The following GAD2 variants were observed in gnomAD, a reference collection of about 807,000 sequenced individuals.
GAD2 encodes glutamate decarboxylase 2, also known as 65 kDa glutamic acid decarboxylase.
In GAD2, 22 loss-of-function variants were observed where a neutral mutation model predicts 80.1. That is an observed-to-expected ratio of 0.27 (90% CI 0.20 to 0.39). GAD2 has a LOEUF of 0.39. Ranked by LOEUF, GAD2 falls within the 10% of genes least tolerant of loss-of-function variation. The probability of loss-of-function intolerance (pLI) is 1.00; values close to 1 mark genes in which losing one functional copy is unlikely to be tolerated. For missense variants in GAD2, 624 were observed against 738.4 expected, an observed-to-expected ratio of 0.85 and a Z score of 1.80; for synonymous variants, 274 against 256.9, an observed-to-expected ratio of 1.07 and a Z score of -0.64.
chr10:26,286,219 A>G lies in GAD2; in HGVS notation c.1237-126A>G, dbSNP rs1845329719. The G allele has an allele frequency of 8.2e-6, 7 of 858,004 alleles. No homozygotes were observed. In the South Asian group the frequency reaches 8.8e-5, roughly 11 times the overall value. 53.1% of individuals were successfully genotyped at this position (858,004 alleles called of 1,614,324 possible). Reference sequence around the variant, plus strand: ...GCCCCCATTCTTTTTTTTAAAATTGATTCTTACTGTTTTCTTTCTCTAAGA... The same window carrying G: ...GCCCCCATTCTTTTTTTTAAAATTGGTTCTTACTGTTTTCTTTCTCTAAGA... On this transcript the variant is annotated intron_variant, in intron 12 of 15. Transcript: ENST00000376261.
intron 15 of GAD2, among the ~76,000 whole-genome samples, chr10:26,298,992 G>A (rs137978656): frequency 1.5e-3 from 224 of 152,314 alleles, no homozygotes; most frequent in African/African-American, 4.1e-3. Context: ...AGAAGGATCA[G>A]GCCAAGAGAA....
Position 26,301,045 on chromosome 10 carries a change from C to A in GAD2, c.*84C>A. On this transcript the variant is annotated 3_prime_UTR_variant, in exon 16 of 16. Coordinates refer to ENST00000376261, the MANE Select transcript of GAD2 (RefSeq NM_001134366.2). ...TGTGTGAATGTATTTGTAGTTTGTTCCAAAGTAAATCTATTTCTATATTGT... is the reference window on the plus strand; with the variant it reads ...TGTGTGAATGTATTTGTAGTTTGTTACAAAGTAAATCTATTTCTATATTGT... 9 of 1,181,954 alleles carry A rather than the reference C, an allele frequency of 7.6e-6. No individual in the cohort carries two copies. The highest frequency in any genetic ancestry group is 5.4e-5 in the South Asian group (4 of 74,656). The allele number at this position is 1,181,954 out of a possible 1,614,324, so 73.2% of individuals were successfully genotyped here.
At chr10:26,297,069 C>T (rs1309372235) in intron 15 of GAD2, among the ~76,000 whole-genome samples, 1 of 152,046 alleles carries the variant, frequency 6.6e-6, no homozygotes, top group Non-Finnish European at 1.5e-5. Context: ...CACACACCAC[C>T]ACACCCAGCT....
rs1284143482 is a variant in GAD2, at chr10:26,217,591, T to C, written c.77-19T>C. 1 of 1,608,992 alleles carries C rather than the reference T, an allele frequency of 6.2e-7. No individual in the cohort carries two copies. The highest frequency in any genetic ancestry group is 8.5e-7 in the Non-Finnish European group (1 of 1,177,604). On this transcript the variant is annotated intron_variant, in intron 1 of 15. Coordinates refer to ENST00000376261, the MANE Select transcript of GAD2 (RefSeq NM_001134366.2). The surrounding 1 kb of genome is among the most constrained non-coding windows in gnomAD (Gnocchi z 4.9). ...TTCTCTTTCTGCCTCGCTGTCTGCC[T>C]GCCTATTCTTCCTTGCAGCGCGAGC...
intron 15 of GAD2, among the ~76,000 whole-genome samples, chr10:26,298,460 A>G (rs1389694450): frequency 6.6e-6 from 1 of 152,136 alleles, no homozygotes; most frequent in Non-Finnish European, 1.5e-5. Context: ...TTGCTTCGGG[A>G]ACTGAGGGGA....
Position 26,216,888 on chromosome 10 carries a change from A to G in GAD2, c.76+3A>G. The G allele has an allele frequency of 6.2e-7, 1 of 1,608,812 alleles. No homozygotes were observed. The highest frequency in any genetic ancestry group is 1.1e-5 in the South Asian group (1 of 90,438). On this transcript the variant is annotated splice_donor_region_variant and intron_variant, in intron 1 of 15. Transcript: ENST00000376261. The surrounding 1 kb of genome is among the most constrained non-coding windows in gnomAD (Gnocchi z 4.7). ...GGATTCCGAGAATCCCGGCACAGGT[A>G]GGAAGGAGAACGGGGGCCTGCGGCG...
chr10:26,272,800 G>A (rs1183309472), intron 10 of GAD2, among the ~76,000 whole-genome samples: 3 of 152,188 alleles, frequency 2.0e-5, no homozygotes, highest in Non-Finnish European at 2.9e-5. Context: ...GGAGGCAGAG[G>A]TTGCAGTGAG....
At chr10:26,234,877 A>T (rs1000813229) in intron 7 of GAD2, among the ~76,000 whole-genome samples, 1 of 151,360 alleles carries the variant, frequency 6.6e-6, no homozygotes, top group African/African-American at 2.4e-5. Flanking sequence ...CATGTTGATT[A>T]TTCTTTTTTT....
Position 26,217,173 on chromosome 10 carries a change from C to T in GAD2, c.76+288C>T, listed in dbSNP as rs746213573. ...GACATGGAATTCCGTGGTCCTGGGG[C>T]GCTGCTAAGATCCGGGTGTCTGGAC... On this transcript the variant is annotated intron_variant, in intron 1 of 15. Coordinates refer to ENST00000376261, the MANE Select transcript of GAD2 (RefSeq NM_001134366.2). This position sits in a 1 kb window ranked among gnomAD's most constrained non-coding sequence, Gnocchi z 4.9. 1.7e-4 allele frequency among the ~76,000 whole-genome samples: 26 copies of T among 150,852 alleles called. No homozygotes were observed. The highest frequency in any genetic ancestry group is 1.1e-3 in the South Asian group (5 of 4,732).
At chr10:26,270,100 G>A (rs1200657390) in intron 9 of GAD2, among the ~76,000 whole-genome samples, 3 of 152,198 alleles carry the variant, frequency 2.0e-5, no homozygotes, top group East Asian at 1.9e-4. Flanking sequence ...TGGCCAGAGA[G>A]ACTGAGGACT....
intron 12 of GAD2, among the ~76,000 whole-genome samples, chr10:26,284,726 C>T (rs1032468094): frequency 3.9e-5 from 6 of 151,902 alleles, no homozygotes; most frequent in East Asian, 3.9e-4. Flanking sequence ...CACCCACCAC[C>T]GCCCAGCTAA....
chr10:26,259,584 G>A (rs1340571865), intron 8 of GAD2, among the ~76,000 whole-genome samples: 1 of 151,912 alleles, frequency 6.6e-6, no homozygotes. Flanking sequence ...TGAGTTTTAG[G>A]ACTTCTTTAT....
chr10:26,225,420 A>AAG (rs1292666813), intron 6 of GAD2, among the ~76,000 whole-genome samples: 1 of 152,196 alleles, frequency 6.6e-6, no homozygotes, highest in Admixed American at 6.5e-5. Context: ...AGGCAATGCA[A>AAG]AGAGAGTCAC....
chr10:26,241,134 A>G (rs776815169), intron 7 of GAD2, among the ~76,000 whole-genome samples: 7 of 152,210 alleles, frequency 4.6e-5, no homozygotes, highest in Admixed American at 1.3e-4. Context: ...TTTGGGCTTT[A>G]ATATCTATTG....
chr10:26,280,039 CTCACTGGCCAGGTGCTCTGGCCA>C (rs1418515356), intron 11 of GAD2, among the ~76,000 whole-genome samples: 2 of 152,210 alleles, frequency 1.3e-5, no homozygotes. Flanking sequence ...GGCAGCTGCC[CTCACTGGCCAGGTGCTCTGGCCA>C]TCACTGGCCA....
At chr10:26,266,393 G>A (rs956459178) in intron 8 of GAD2, among the ~76,000 whole-genome samples, 4 of 152,080 alleles carry the variant, frequency 2.6e-5, no homozygotes, top group South Asian at 2.1e-4. Context: ...AAGGTAATCC[G>A]GCCAATTCTA....
In GAD2 at chr10:26,302,563, C is replaced by T. The variant is rs1353379399; in HGVS notation, c.*1602C>T. The stretch of plus-strand genomic sequence containing the variant: ...CAAATGCAAATTTAGGAACATTCTC[C>T]ATTTCTGAATGGACCAGGTAGTTCA... On this transcript the variant is annotated 3_prime_UTR_variant, in exon 16 of 16. Transcript: ENST00000376261. The T allele has an allele frequency of 6.6e-6, 1 of 152,168 alleles. No individual in the cohort carries two copies. The highest frequency in any genetic ancestry group is 1.5e-5 in the Non-Finnish European group (1 of 68,044). The allele number at this position is 152,168 out of a possible 1,614,324, so 9.4% of individuals were successfully genotyped here.
chr10:26,223,749 G>T, intron 4 of GAD2, 138 bp from the exon 5 acceptor site: 1 of 579,600 alleles, frequency 1.7e-6, no homozygotes, highest in Non-Finnish European at 3.1e-6. Flanking sequence ...ACACACGTGT[G>T]TACATGTTGG....
At chr10:26,237,868 T>G (rs1178051043) in intron 7 of GAD2, among the ~76,000 whole-genome samples, 1 of 151,284 alleles carries the variant, frequency 6.6e-6, no homozygotes, top group East Asian at 2.0e-4. Flanking sequence ...ATTAGCAGGG[T>G]GTAATGGCGG....
Sources: gnomAD v4.1 joint callset for allele counts (sites outside exome capture counted in the v4.1 genomes callset) on GRCh38, gnomAD v4.1.1 for gene constraint, Gnocchi (gnomAD v3.1) non-coding constraint, MANE v1.5 for transcripts, NCBI Gene and HGNC (gene_info 2026-07-23, HGNC 2026-07-21) for gene names.